The following ANKS1B variants were observed in gnomAD, a reference collection of about 807,000 sequenced individuals.
The protein encoded by ANKS1B is ankyrin repeat and sterile alpha motif domain-containing protein 1B.
In ANKS1B, 36 loss-of-function variants were observed where a neutral mutation model predicts 148.3. The ratio of observed to expected loss-of-function variants is 0.24; its 90% CI spans 0.19 to 0.32. The LOEUF (loss-of-function observed/expected upper bound fraction) is 0.32, where lower values mean the gene tolerates loss of function less well. Among genes scored for constraint, ANKS1B ranks in the 10% least tolerant of loss-of-function variants. The pLI, the probability that ANKS1B is intolerant of heterozygous loss-of-function variation, is 1.00. For synonymous variants in ANKS1B, 542 were observed against 560.8 expected (o/e 0.97, Z 0.47); for missense variants, 1,157 against 1,542.6 (o/e 0.75, Z 4.19).
At chr12:99,124,299 T>G (rs1344233542) in intron 15 of ANKS1B, among the ~76,000 whole-genome samples, 1 of 152,102 alleles carries the variant, frequency 6.6e-6, no homozygotes, top group Non-Finnish European at 1.5e-5. Context: ...GTAGTGCCAG[T>G]GGGATTTGCT....
chr12:98,734,962 T>G (rs935150135), exon 10 of ANKS1B: 1 of 376,060 alleles, frequency 2.7e-6, no homozygotes, highest in African/African-American at 2.1e-5. Context: ...AAAAAGAAAT[T>G]AGGAGCCAGG....
At chr12:98,915,647 C>T (rs1009222736) in intron 17 of ANKS1B, among the ~76,000 whole-genome samples, 1 of 152,190 alleles carries the variant, frequency 6.6e-6, no homozygotes, top group African/African-American at 2.4e-5. Flanking sequence ...GCCATCGTGC[C>T]TGGCCAAGAC....
intron 15 of ANKS1B, among the ~76,000 whole-genome samples, chr12:99,131,203 C>G (rs941388896): frequency 1.1e-4 from 16 of 152,194 alleles, no homozygotes; most frequent in African/African-American, 3.9e-4. Flanking sequence ...GTCCCTGGCA[C>G]ACAATGAACA....
At chr12:99,458,001 C>G (rs2152842935) in intron 10 of ANKS1B, among the ~76,000 whole-genome samples, 1 of 152,216 alleles carries the variant, frequency 6.6e-6, no homozygotes, top group East Asian at 1.9e-4. Context: ...AGGGGACATT[C>G]TCCAAGATAG....
At chr12:99,273,630 G>A (rs1165150261) in intron 12 of ANKS1B, among the ~76,000 whole-genome samples, 1 of 136,964 alleles carries the variant, frequency 7.3e-6, no homozygotes, top group Admixed American at 7.8e-5. Context: ...AGGCTGGAGT[G>A]CAGTGGCACA....
chr12:99,721,327 C>T (rs1249281178), intron 8 of ANKS1B, among the ~76,000 whole-genome samples: 6 of 152,240 alleles, frequency 3.9e-5, no homozygotes, highest in Non-Finnish European at 7.3e-5. Flanking sequence ...AAGACAGGAA[C>T]GTCAGGCCTC....
intron 9 of ANKS1B, among the ~76,000 whole-genome samples, chr12:99,645,321 T>C (rs113816664): frequency 0.02 from 3,009 of 152,318 alleles, 115 homozygotes; most frequent in African/African-American, 0.069. Context: ...TAAAATCATA[T>C]ATTGAATTAA....
At chr12:98,789,098 T>C (rs977392668) in intron 22 of ANKS1B, among the ~76,000 whole-genome samples, 7 of 152,278 alleles carry the variant, frequency 4.6e-5, no homozygotes, top group African/African-American at 1.7e-4. Context: ...ATCTCAGCAC[T>C]CTGAGAGGCC....
chr12:99,388,154 A>G (rs1299476012), intron 12 of ANKS1B, among the ~76,000 whole-genome samples: 1 of 152,218 alleles, frequency 6.6e-6, no homozygotes, highest in Non-Finnish European at 1.5e-5. Context: ...ATAAAAAAAG[A>G]ACTCTGTTAG....
chr12:99,365,277 T>C (rs1365998842), intron 12 of ANKS1B, among the ~76,000 whole-genome samples: 2 of 152,058 alleles, frequency 1.3e-5, no homozygotes, highest in South Asian at 2.1e-4. Context: ...CAGTGACAAA[T>C]AGTTGGTAGC....
chr12:98,995,535 C>G (rs1232247575), intron 17 of ANKS1B, among the ~76,000 whole-genome samples: 1 of 152,132 alleles, frequency 6.6e-6, no homozygotes, highest in African/African-American at 2.4e-5. Context: ...GGAATGAAAC[C>G]CAGGTTCTCA....
At chr12:99,553,425 G>C (rs1013850698) in intron 9 of ANKS1B, among the ~76,000 whole-genome samples, 1 of 152,142 alleles carries the variant, frequency 6.6e-6, no homozygotes, top group African/African-American at 2.4e-5. Context: ...TATTAATACT[G>C]TTGCTATGGA....
chr12:99,162,400 ATTTC>A (rs963175929), intron 14 of ANKS1B, among the ~76,000 whole-genome samples: 2 of 152,130 alleles, frequency 1.3e-5, no homozygotes, highest in African/African-American at 4.8e-5. Context: ...AAATCTTAAA[ATTTC>A]TTTAAATTTA....
At chr12:98,865,776 T>C (rs2099621248) in intron 17 of ANKS1B, among the ~76,000 whole-genome samples, 1 of 152,102 alleles carries the variant, frequency 6.6e-6, no homozygotes, top group South Asian at 2.1e-4. Flanking sequence ...CAAATCACTT[T>C]GGGTCAAGGC....
intron 8 of ANKS1B, among the ~76,000 whole-genome samples, chr12:99,672,766 A>G (rs1448409389): frequency 3.9e-5 from 6 of 152,138 alleles, no homozygotes; most frequent in African/African-American, 1.4e-4. Context: ...ATACCTTTAT[A>G]GTTTGTTTTA....
chr12:99,483,926 T>G (rs938915746), intron 10 of ANKS1B, among the ~76,000 whole-genome samples: 11 of 152,056 alleles, frequency 7.2e-5, no homozygotes, highest in Non-Finnish European at 1.3e-4. Flanking sequence ...ATCTATCTAT[T>G]TTGTTTATTT....
chr12:99,353,639 T>C (rs1056131761), intron 12 of ANKS1B, among the ~76,000 whole-genome samples: 12 of 152,094 alleles, frequency 7.9e-5, no homozygotes, highest in African/African-American at 2.2e-4. Context: ...GTTGCTATTA[T>C]TTTCTTTCAC....
intron 11 of ANKS1B, among the ~76,000 whole-genome samples, chr12:99,427,701 A>G (rs2095286790): frequency 6.6e-6 from 1 of 152,194 alleles, no homozygotes; most frequent in Non-Finnish European, 1.5e-5. Flanking sequence ...TACCTGTACT[A>G]TGATGAAGCC....
intron 7 of ANKS1B, 63 bp from the exon 8 acceptor site, chr12:99,773,151 A>C: frequency 7.2e-7 from 1 of 1,398,268 alleles, no homozygotes; most frequent in East Asian, 2.3e-5. Context: ...ATGTTAAGCA[A>C]TAAAAATATG....
Sources: allele counts gnomAD v4.1 joint callset (sites outside exome capture counted in the v4.1 genomes callset), GRCh38; gene constraint gnomAD v4.1.1; transcripts MANE v1.5; gene names NCBI Gene and HGNC (gene_info 2026-07-23, HGNC 2026-07-21).